The following MYO7A variants were observed in gnomAD, a reference collection of about 807,000 sequenced individuals.
The protein encoded by MYO7A is unconventional myosin-VIIa.
In MYO7A, 210 loss-of-function variants were observed where a neutral mutation model predicts 263.8. The ratio of observed to expected loss-of-function variants is 0.80; its 90% CI spans 0.71 to 0.89. The LOEUF (loss-of-function observed/expected upper bound fraction) is 0.89, where lower values mean the gene tolerates loss of function less well. Among genes scored for constraint, MYO7A ranks in the 40% least tolerant of loss-of-function variants. The pLI, the probability that MYO7A is intolerant of heterozygous loss-of-function variation, is 0.00. For synonymous variants in MYO7A, 1,239 were observed against 1,197.3 expected (o/e 1.03, Z -0.72); for missense variants, 2,820 against 2,968.3 (o/e 0.95, Z 1.16).
intron 32 of MYO7A, among the ~76,000 whole-genome samples, chr11:77,195,315 G>A (rs1013608452): frequency 3.3e-5 from 5 of 151,194 alleles, no homozygotes; most frequent in African/African-American, 4.9e-5. Flanking sequence ...GAACCCCCCC[G>A]AACCCCACTT....
At chr11:77,205,972 C>G in intron 40 of MYO7A, 125 bp from the exon 41 acceptor site, 1 of 771,480 alleles carries the variant, frequency 1.3e-6, no homozygotes, top group Non-Finnish European at 2.2e-6. Context: ...GACTCAGTGG[C>G]CGGTCACATC....
intron 3 of MYO7A, 113 bp downstream of exon 3, chr11:77,142,935 CA>C: frequency 1.2e-6 from 1 of 859,806 alleles, no homozygotes; most frequent in Non-Finnish European, 1.9e-6. Flanking sequence ...CCCATGCCCC[CA>C]CTTCTGCCTC....
chr11:77,180,009 A>G (rs1955041665), intron 21 of MYO7A, 56 bp downstream of exon 21: 13 of 1,468,850 alleles, frequency 8.9e-6, no homozygotes, highest in Non-Finnish European at 1.2e-5. Context: ...AGGAGTGTCC[A>G]TGCATCACCC....
intron 27 of MYO7A, among the ~76,000 whole-genome samples, chr11:77,188,419 A>G (rs1555089556): frequency 6.6e-6 from 1 of 152,234 alleles, no homozygotes; most frequent in African/African-American, 2.4e-5. Flanking sequence ...TGATAAAAAA[A>G]TGGGTAACTT....
chr11:77,154,101 G>A (rs897304763), intron 4 of MYO7A, among the ~76,000 whole-genome samples: 5 of 152,206 alleles, frequency 3.3e-5, no homozygotes, highest in South Asian at 2.1e-4. Context: ...GCGACAGAGC[G>A]AGACTCTGCC....
intron 39 of MYO7A, 130 bp downstream of exon 39, chr11:77,204,359 A>T: frequency 7.7e-7 from 1 of 1,296,280 alleles, no homozygotes; most frequent in Non-Finnish European, 1.1e-6. Context: ...GGAGCTGCTC[A>T]TGGGCCCCCT....
At chr11:77,169,227 G>A (rs1031386639) in intron 15 of MYO7A, among the ~76,000 whole-genome samples, 2 of 152,240 alleles carry the variant, frequency 1.3e-5, no homozygotes, top group African/African-American at 2.4e-5. Context: ...GCAGATCCCC[G>A]AGCCCTGAGT....
intron 35 of MYO7A, among the ~76,000 whole-genome samples, chr11:77,200,397 G>C (rs1956987079): frequency 1.3e-5 from 2 of 152,332 alleles, no homozygotes; most frequent in South Asian, 2.1e-4. Flanking sequence ...GGAAGGAAGA[G>C]AGCAGGGGGT....
intron 15 of MYO7A, among the ~76,000 whole-genome samples, chr11:77,169,712 C>T (rs1953905171): frequency 6.6e-6 from 1 of 152,078 alleles, no homozygotes; most frequent in African/African-American, 2.4e-5. Flanking sequence ...GTCTTGGGGA[C>T]GTAGCAGTGA....
chr11:77,177,700 T>G, intron 19 of MYO7A, 57 bp downstream of exon 19: 1 of 1,441,430 alleles, frequency 6.9e-7, no homozygotes, highest in Non-Finnish European at 9.6e-7. Context: ...GTACGTGTGG[T>G]GTTTGGCTCT....
chr11:77,177,503 C>T (rs1555080644), intron 18 of MYO7A, 46 bp from the exon 19 acceptor site: 2 of 1,479,554 alleles, frequency 1.4e-6, no homozygotes, highest in African/African-American at 1.4e-5. Flanking sequence ...GCAGGTGGTC[C>T]TAGAGGAGAC....
Position 77,156,004 on chromosome 11 carries a change from G to A in MYO7A, c.383G>A (p.Gly128Glu), listed in dbSNP as rs1555061659. Reference sequence around the variant, plus strand: ...CGCCAGTATACCAACAAGAAGATTGGGGAGATGCCCCCCCACATCTTTGCC... The same window carrying A: ...CGCCAGTATACCAACAAGAAGATTGAGGAGATGCCCCCCCACATCTTTGCC... ...HIRQYTNKKI[G>E]EMPPHIFAIA... Residue 128 changes from glycine to glutamate, a missense_variant, in exon 5 of 49, where the codon GGG (glycine) becomes GAG (glutamate). Coordinates refer to ENST00000409709, the MANE Select transcript of MYO7A (RefSeq NM_000260.4). The A allele has an allele frequency of 8.7e-6, 14 of 1,613,862 alleles. No individual in the cohort carries two copies. Among genetic ancestry groups the A allele is most frequent in the Non-Finnish European group, 1.1e-5 (13 of 1,179,848 alleles).
chr11:77,139,893 C>A (rs1038000744), intron 2 of MYO7A, among the ~76,000 whole-genome samples: 2 of 152,168 alleles, frequency 1.3e-5, no homozygotes, highest in African/African-American at 2.4e-5. Context: ...CAAGAACTTT[C>A]CCTAGGGCCA....
chr11:77,158,567 C>T, intron 9 of MYO7A, 137 bp downstream of exon 9: 1 of 1,151,310 alleles, frequency 8.7e-7, no homozygotes, highest in Non-Finnish European at 1.2e-6. Context: ...GAAGAATTCG[C>T]CTGTGGGTAG....
chr11:77,161,123 G>A lies in MYO7A; in HGVS notation c.1343+8G>A, dbSNP rs2276278. 120,423 of 1,613,482 alleles carry A rather than the reference G, an allele frequency of 0.075. 6,123 individuals carry two copies. The highest frequency in any genetic ancestry group is 0.28 in the East Asian group (12,453 of 44,866). On this transcript the variant is annotated splice_region_variant and intron_variant, in intron 12 of 48. Transcript: ENST00000409709. Reference sequence around the variant, plus strand: ...GAACTTTGCTGTGAACAGGTACCGCGTGGGGCTCTGCTCATGGGAATTTCC... The same window carrying A: ...GAACTTTGCTGTGAACAGGTACCGCATGGGGCTCTGCTCATGGGAATTTCC...
At chr11:77,207,072 G>T in intron 41 of MYO7A, 1 of 469,710 alleles carries the variant, frequency 2.1e-6, no homozygotes, top group Non-Finnish European at 3.8e-6. Flanking sequence ...GGACGCCAAG[G>T]CCACCTTCTG....
chr11:77,203,440 G>A (rs548259853), intron 38 of MYO7A, among the ~76,000 whole-genome samples: 35 of 152,328 alleles, frequency 2.3e-4, no homozygotes, highest in Non-Finnish European at 3.7e-4. Flanking sequence ...GCCTTGTGCT[G>A]GGCCAGGCAT....
chr11:77,193,089 ATGG>A (rs1443005851), intron 31 of MYO7A, among the ~76,000 whole-genome samples: 1 of 39,878 alleles, frequency 2.5e-5, no homozygotes, highest in African/African-American at 1.1e-4. Context: ...GTTGTTTGTG[ATGG>A]TGGAGGTAGT....
chr11:77,190,150 G>C lies in MYO7A; in HGVS notation c.3750+11G>C. The C allele has an allele frequency of 6.5e-7, 1 of 1,547,840 alleles. No individual in the cohort carries two copies. Among genetic ancestry groups the C allele is most frequent in the Non-Finnish European group, 8.7e-7 (1 of 1,146,292 alleles). The stretch of plus-strand genomic sequence containing the variant: ...TGGCTGGAGCTGCAGGTTCGTGCGT[G>C]TGTATGCACGTGCTCGTGTGCATGT... On this transcript the variant is annotated intron_variant, in intron 29 of 48. Transcript: ENST00000409709.
Sources: gnomAD v4.1 joint callset for allele counts (sites outside exome capture counted in the v4.1 genomes callset) on GRCh38, gnomAD v4.1.1 for gene constraint, MANE v1.5 for transcripts, NCBI Gene and HGNC (gene_info 2026-07-23, HGNC 2026-07-21) for gene names.